SMIM36: variants seen among roughly 807,000 people sequenced by gnomAD.
The protein encoded by SMIM36 is small integral membrane protein 36.
At chr17:55,517,065 G>T in the SMIM36 span, among the ~76,000 whole-genome samples, 1 of 152,180 alleles carries the variant, frequency 6.6e-6, no homozygotes, top group Non-Finnish European at 1.5e-5. Flanking sequence ...TTGGAAGACT[G>T]CCAGGTTCCT....
intron 4 of SMIM36, among the ~76,000 whole-genome samples, chr17:55,452,775 G>A (rs1422963550): frequency 1.3e-5 from 2 of 152,090 alleles, no homozygotes; most frequent in African/African-American, 4.8e-5. Flanking sequence ...GTATATTTTG[G>A]GTACTCTCCT....
intron 4 of SMIM36, among the ~76,000 whole-genome samples, chr17:55,455,020 T>G (rs555983747): frequency 6.6e-6 from 1 of 152,340 alleles, no homozygotes; most frequent in South Asian, 2.1e-4. Flanking sequence ...ACATTCATTA[T>G]TGTTTACTTA....
At chr17:55,518,620 A>G in the SMIM36 span, among the ~76,000 whole-genome samples, 1 of 152,210 alleles carries the variant, frequency 6.6e-6, no homozygotes, top group Admixed American at 6.5e-5. Context: ...CCGTGAGTAA[A>G]AATAATTTTG....
intron 4 of SMIM36, among the ~76,000 whole-genome samples, chr17:55,462,922 G>A (rs575312023): frequency 6.6e-6 from 1 of 152,208 alleles, no homozygotes; most frequent in East Asian, 1.9e-4. Flanking sequence ...CCAGAAAGCT[G>A]GAAAACTCTC....
At chr17:55,531,089 A>G in the SMIM36 span, among the ~76,000 whole-genome samples, 1 of 152,126 alleles carries the variant, frequency 6.6e-6, no homozygotes. Flanking sequence ...CTGAAGCAAG[A>G]TATCTTCTTA....
intron 3 of SMIM36, among the ~76,000 whole-genome samples, chr17:55,474,446 G>A (rs1365211850): frequency 2.0e-5 from 3 of 152,202 alleles, no homozygotes; most frequent in African/African-American, 4.8e-5. Flanking sequence ...GATCAATGCA[G>A]TGGCTGAACA....
chr17:55,500,498 T>C (rs1424007881), intron 1 of SMIM36, among the ~76,000 whole-genome samples: 3 of 151,902 alleles, frequency 2.0e-5, no homozygotes, highest in Non-Finnish European at 4.4e-5. Context: ...TTTTAAAGAC[T>C]GAGAAGTTGG....
intron 4 of SMIM36, among the ~76,000 whole-genome samples, chr17:55,460,876 A>C (rs1296516782): frequency 6.6e-6 from 1 of 152,178 alleles, no homozygotes; most frequent in Non-Finnish European, 1.5e-5. Context: ...AAAAACAAAA[A>C]AAACCATAAA....
chr17:55,521,049 G>A, the SMIM36 span, among the ~76,000 whole-genome samples: 1 of 152,306 alleles, frequency 6.6e-6, no homozygotes, highest in East Asian at 1.9e-4. Flanking sequence ...CTTGAATCCA[G>A]GAGGTGGAGG....
chr17:55,513,990 A>G (rs1179690507), upstream of SMIM36, among the ~76,000 whole-genome samples: 1 of 152,016 alleles, frequency 6.6e-6, no homozygotes, highest in African/African-American at 2.4e-5. Flanking sequence ...CTATTAGCAG[A>G]GAGTTTTTTG....
intron 1 of SMIM36, among the ~76,000 whole-genome samples, chr17:55,488,277 G>C (rs1344669054): frequency 2.3e-5 from 1 of 43,928 alleles, no homozygotes; most frequent in Non-Finnish European, 4.6e-5. Context: ...TCAGGCTCCA[G>C]CAGAGGCATC....
chr17:55,518,218 A>G, the SMIM36 span, among the ~76,000 whole-genome samples: 1 of 152,254 alleles, frequency 6.6e-6, no homozygotes, highest in Non-Finnish European at 1.5e-5. Flanking sequence ...AGAGCAGGAC[A>G]GGGTGAAGAG....
intron 1 of SMIM36, among the ~76,000 whole-genome samples, chr17:55,492,270 G>A (rs1267755562): frequency 9.4e-6 from 1 of 106,204 alleles, no homozygotes; most frequent in African/African-American, 3.8e-5. Flanking sequence ...TTGAGACAGA[G>A]TCTTATTCTG....
intron 4 of SMIM36, among the ~76,000 whole-genome samples, chr17:55,465,381 C>G (rs1164266929): frequency 6.6e-6 from 1 of 152,078 alleles, no homozygotes; most frequent in Admixed American, 6.6e-5. Context: ...ATGCCAAGGA[C>G]TATGATCATG....
intron 1 of SMIM36, among the ~76,000 whole-genome samples, chr17:55,488,549 G>A (rs1242064437): frequency 6.6e-6 from 1 of 152,118 alleles, no homozygotes; most frequent in Non-Finnish European, 1.5e-5. Flanking sequence ...CTGTTCAGAA[G>A]TTTGCTTTTC....
intron 1 of SMIM36, among the ~76,000 whole-genome samples, chr17:55,492,010 T>G (rs1042647422): frequency 6.6e-6 from 1 of 151,450 alleles, no homozygotes; most frequent in African/African-American, 2.4e-5. Flanking sequence ...ACACAAAAAA[T>G]TAGCTGGGCG....
At chr17:55,503,878 A>G (rs1910037106) in intron 1 of SMIM36, among the ~76,000 whole-genome samples, 1 of 135,980 alleles carries the variant, frequency 7.4e-6, no homozygotes, top group South Asian at 2.6e-4. Context: ...GGATGGAGGA[A>G]CATCTACCAA....
intron 1 of SMIM36, among the ~76,000 whole-genome samples, chr17:55,499,813 A>G (rs1425283812): frequency 6.6e-6 from 1 of 152,240 alleles, no homozygotes; most frequent in Non-Finnish European, 1.5e-5. Flanking sequence ...AGGTCTTAAT[A>G]GCAAAATATT....
the SMIM36 span, among the ~76,000 whole-genome samples, chr17:55,529,496 G>T: frequency 6.6e-6 from 1 of 151,816 alleles, no homozygotes; most frequent in African/African-American, 2.4e-5. Context: ...AGCCTGGCAC[G>T]GTGGCTCACG....
Sources: allele counts gnomAD v4.1 joint callset (sites outside exome capture counted in the v4.1 genomes callset), GRCh38; gene constraint gnomAD v4.1.1; transcripts MANE v1.5; gene names NCBI Gene and HGNC (gene_info 2026-07-23, HGNC 2026-07-21).